Variants in DLGAP2 observed in about 807,000 individuals in gnomAD.
DLGAP2 encodes disks large-associated protein 2.
DLGAP2 carries 26 observed loss-of-function variants against 100.3 expected under a neutral mutation model. The observed-to-expected ratio is 0.26, with a 90% confidence interval of 0.19 to 0.36. The LOEUF (loss-of-function observed/expected upper bound fraction) is 0.36. DLGAP2 is among the 10% of genes least tolerant of loss of function. The pLI is 1.00. For missense variants in DLGAP2, 1,858 were observed against 1,453.2 expected, an observed-to-expected ratio of 1.28 and a Z score of -4.53; for synonymous variants, 886 against 630.1, an observed-to-expected ratio of 1.41 and a Z score of -6.08.
At chr8:1,188,995 C>T (rs995657103) in intron 2 of DLGAP2, among the ~76,000 whole-genome samples, 5 of 149,146 alleles carry the variant, frequency 3.4e-5, no homozygotes, top group Non-Finnish European at 7.4e-5. Flanking sequence ...GCCGGTTCCG[C>T]GGTTGGGGTT....
At chr8:1,572,372 G>C (rs1237288836) in intron 6 of DLGAP2, among the ~76,000 whole-genome samples, 3 of 120,092 alleles carry the variant, frequency 2.5e-5, no homozygotes, top group Non-Finnish European at 5.3e-5. Context: ...AGGGTGAACT[G>C]TGGGTTGTCT....
chr8:1,090,185 G>T (rs1327661789), intron 2 of DLGAP2, among the ~76,000 whole-genome samples: 1 of 146,126 alleles, frequency 6.8e-6, no homozygotes, highest in South Asian at 2.2e-4. Context: ...CTCATACCCC[G>T]AGGACCTGCT....
At chr8:980,857 G>C (rs565302595) in intron 2 of DLGAP2, among the ~76,000 whole-genome samples, 1 of 152,278 alleles carries the variant, frequency 6.6e-6, no homozygotes. Flanking sequence ...AGCAGTTAGG[G>C]AACACACAGG....
intron 3 of DLGAP2, among the ~76,000 whole-genome samples, chr8:1,370,644 A>G (rs1585307932): frequency 6.6e-6 from 1 of 152,322 alleles, no homozygotes; most frequent in East Asian, 1.9e-4. Context: ...GTCACACCCA[A>G]TGAGGATTAG....
rs894276032 is a variant in DLGAP2 at position 1,260,724 on chromosome 8, G to A, written c.106+1841G>A. ...AATCTCCCCGGAGTCCTGGCTCAGG[G>A]ATGGATATTGGATGATTTCTGGGGA... On this transcript the variant is annotated intron_variant, in intron 3 of 14. Coordinates refer to ENST00000637795, the MANE Select transcript of DLGAP2 (RefSeq NM_001346810.2). Among the ~76,000 whole-genome samples the A allele has an allele frequency of 6.6e-5, 10 of 152,352 alleles. No homozygotes were observed. The South Asian group carries it at 1.4e-3, about 22-fold the overall frequency.
chr8:1,080,461 G>T (rs1291667842), intron 2 of DLGAP2, among the ~76,000 whole-genome samples: 2 of 152,230 alleles, frequency 1.3e-5, no homozygotes, highest in African/African-American at 4.8e-5. Context: ...CACGTCTGAA[G>T]TGGGGCGGGA....
intron 4 of DLGAP2, among the ~76,000 whole-genome samples, chr8:1,519,661 G>C (rs1387001717): frequency 6.6e-6 from 1 of 152,190 alleles, no homozygotes; most frequent in Non-Finnish European, 1.5e-5. Context: ...AAATGTTCCA[G>C]ACCCCAGAAG....
intron 4 of DLGAP2, among the ~76,000 whole-genome samples, chr8:1,541,639 G>A (rs958894986): frequency 6.6e-6 from 1 of 152,158 alleles, no homozygotes; most frequent in Admixed American, 6.5e-5. Flanking sequence ...CCCACGACTG[G>A]GAACCAGCAG....
intron 8 of DLGAP2, among the ~76,000 whole-genome samples, chr8:1,659,286 G>C (rs2130822243): frequency 6.9e-6 from 1 of 144,028 alleles, no homozygotes; most frequent in East Asian, 2.1e-4. Flanking sequence ...TAGAGTAAGT[G>C]TGATGTGGTG....
rs192242906 is a variant in DLGAP2 at position 1,436,460 on chromosome 8, G to C, written c.107-64906G>C. The stretch of plus-strand genomic sequence containing the variant: ...TAGATGGTGCCCACCCAGACTGAGG[G>C]TGGGTCTGCCTCTCCCAGCCCACTG... On this transcript the variant is annotated intron_variant, in intron 3 of 14. Transcript: ENST00000637795. Among the ~76,000 whole-genome samples, 184 of 152,226 alleles carry C rather than the reference G, an allele frequency of 1.2e-3. 1 individual carries two copies. The highest frequency in any genetic ancestry group is 4.2e-3 in the African/African-American group (174 of 41,540).
At chr8:824,901 C>G (rs139844891) in intron 1 of DLGAP2, among the ~76,000 whole-genome samples, 1 of 152,290 alleles carries the variant, frequency 6.6e-6, no homozygotes, top group African/African-American at 2.4e-5. Flanking sequence ...ATCTCACTCC[C>G]TGAGGGGCCA....
At chr8:1,700,863 G>T (rs934495811) in intron 14 of DLGAP2, among the ~76,000 whole-genome samples, 1 of 152,226 alleles carries the variant, frequency 6.6e-6, no homozygotes, top group Non-Finnish European at 1.5e-5. Context: ...GCAGGAATCG[G>T]GCGACAATGT....
intron 2 of DLGAP2, among the ~76,000 whole-genome samples, chr8:977,003 C>T (rs528499317): frequency 4.1e-4 from 63 of 152,300 alleles, no homozygotes; most frequent in African/African-American, 1.4e-3. Flanking sequence ...TGACAAGCTA[C>T]AGACTGGGAG....
chr8:1,628,100 G>T (rs1797553175), intron 7 of DLGAP2, among the ~76,000 whole-genome samples: 1 of 117,182 alleles, frequency 8.5e-6, no homozygotes, highest in East Asian at 2.4e-4. Context: ...CAGGAATTAA[G>T]AGCTTGAGCC....
intron 3 of DLGAP2, among the ~76,000 whole-genome samples, chr8:1,436,402 C>A (rs1262152773): frequency 6.6e-6 from 1 of 152,160 alleles, no homozygotes; most frequent in African/African-American, 2.4e-5. Context: ...CCTTCCTCTG[C>A]CTGCTTTTAT....
chr8:982,045 C>T (rs1243243614), intron 2 of DLGAP2, among the ~76,000 whole-genome samples: 2 of 152,182 alleles, frequency 1.3e-5, no homozygotes, highest in African/African-American at 4.8e-5. Flanking sequence ...TTGCTTTGCT[C>T]CTGGCTAACC....
chr8:1,196,245 C>CTG (rs1278277629), intron 2 of DLGAP2, among the ~76,000 whole-genome samples: 4 of 152,186 alleles, frequency 2.6e-5, no homozygotes, highest in Non-Finnish European at 5.9e-5. Context: ...CCACGTTTCA[C>CTG]TGTGTGTGTG....
intron 8 of DLGAP2, among the ~76,000 whole-genome samples, chr8:1,658,108 C>A (rs1031765317): frequency 6.6e-6 from 1 of 152,010 alleles, no homozygotes; most frequent in Admixed American, 6.6e-5. Context: ...TTACATAGTT[C>A]GCAAAAAGAC....
At chr8:1,646,828 C>G (rs1798050198) in intron 8 of DLGAP2, among the ~76,000 whole-genome samples, 1 of 142,946 alleles carries the variant, frequency 7.0e-6, no homozygotes, top group Non-Finnish European at 1.6e-5. Flanking sequence ...ATCAAAATCC[C>G]CTTCTGGAAA....
Sources: allele counts gnomAD v4.1 joint callset (sites outside exome capture counted in the v4.1 genomes callset), GRCh38; gene constraint gnomAD v4.1.1; transcripts MANE v1.5; gene names NCBI Gene and HGNC (gene_info 2026-07-23, HGNC 2026-07-21).